Variants in PRKAG3 observed in about 807,000 individuals in gnomAD.
PRKAG3 encodes the protein protein kinase AMP-activated non-catalytic subunit gamma 3.
A neutral mutation model predicts 56.5 loss-of-function variants in PRKAG3; 39 were observed. The observed-to-expected ratio is 0.69, with a 90% CI of 0.53 to 0.90. The LOEUF (loss-of-function observed/expected upper bound fraction) is 0.90. Ranked by LOEUF, PRKAG3 falls within the 40% of genes least tolerant of loss-of-function variation. The pLI, the probability that PRKAG3 is intolerant of heterozygous loss-of-function variation, is 0.00. For synonymous variants in PRKAG3, 243 were observed against 250.1 expected (o/e 0.97, Z 0.27); for missense variants, 628 against 627.5 (o/e 1.00, Z -0.01).
intron 11 of PRKAG3, 70 bp downstream of exon 11, chr2:218,824,469 A>G: frequency 6.2e-7 from 1 of 1,608,132 alleles, no homozygotes; most frequent in South Asian, 1.1e-5. Flanking sequence ...CCCCTGGTCC[A>G]CAGAGGCCCC....
intron 10 of PRKAG3, 59 bp from the exon 11 acceptor site, chr2:218,824,635 A>T (rs1943905471): frequency 6.7e-7 from 1 of 1,490,406 alleles, no homozygotes; most frequent in Non-Finnish European, 9.4e-7. Context: ...CTCCGGTCAG[A>T]ACCGGGGTGC....
intron 11 of PRKAG3, 63 bp downstream of exon 11, chr2:218,824,476 C>A (rs1198715181): frequency 6.2e-7 from 1 of 1,603,726 alleles, no homozygotes; most frequent in African/African-American, 1.3e-5. Flanking sequence ...TCCACAGAGG[C>A]CCCCCACCCA....
exon 4 of PRKAG3, chr2:218,830,141 G>A: frequency 6.2e-7 from 1 of 1,614,076 alleles, no homozygotes; most frequent in Non-Finnish European, 8.5e-7. Context: ...GCACAGGGCA[G>A]GCCTCTCTTC....
chr2:218,828,619 C>G lies in PRKAG3; in HGVS notation c.634-19G>C. 6.2e-7 allele frequency: 1 copy of G among 1,609,128 alleles called. No homozygotes were observed. The highest frequency in any genetic ancestry group is 1.1e-5 in the South Asian group (1 of 90,344). ...TCTTGATCTGAGGGGCCAGGGAGAA[C>G]AGTCAAGGGTGGGTCCCGAGAGACC... is the stretch of plus-strand genomic sequence containing the variant. On this transcript the variant is annotated intron_variant, in intron 4 of 12. Coordinates refer to ENST00000529249, the Ensembl canonical transcript of PRKAG3.
exon 13 of PRKAG3, chr2:218,823,569 C>T (rs1943884491): frequency 8.8e-6 from 11 of 1,253,370 alleles, no homozygotes; most frequent in Non-Finnish European, 1.0e-5. Context: ...CACTCCCATC[C>T]TCAGGGTGTC....
At chr2:218,830,085 G>C in exon 4 of PRKAG3, 3 of 1,612,982 alleles carry the variant, frequency 1.9e-6, no homozygotes, top group Non-Finnish European at 2.5e-6. Flanking sequence ...GGTTTCCGCA[G>C]TTCGTCATCC....
At chr2:218,831,373 G>T (rs1400229035) in exon 2 of PRKAG3, 1 of 1,601,534 alleles carries the variant, frequency 6.2e-7, no homozygotes, top group Non-Finnish European at 8.5e-7. Context: ...TCCAGGAAGG[G>T]GTCTGTGGGG....
chr2:218,828,488 A>C, intron 5 of PRKAG3, 31 bp downstream of exon 5: 1 of 1,585,150 alleles, frequency 6.3e-7, no homozygotes, highest in Non-Finnish European at 8.6e-7. Flanking sequence ...CACCTCCTCC[A>C]TCTCCCTTCA....
intron 10 of PRKAG3, 56 bp downstream of exon 10, chr2:218,826,872 A>G (rs1380764052): frequency 1.4e-5 from 22 of 1,602,436 alleles, no homozygotes; most frequent in Non-Finnish European, 1.7e-5. Context: ...TATTCTCCCC[A>G]CCAGGTTCTC....
chr2:218,823,676 TG>T, exon 13 of PRKAG3: 2 of 1,602,976 alleles, frequency 1.2e-6, no homozygotes, highest in Non-Finnish European at 1.7e-6. Context: ...CAAATGGGGG[TG>T]GGGGAAGATG....
intron 10 of PRKAG3, among the ~76,000 whole-genome samples, chr2:218,825,452 G>C (rs2105986213): frequency 6.6e-6 from 1 of 152,144 alleles, no homozygotes; most frequent in African/African-American, 2.4e-5. Flanking sequence ...AGACTGGCCT[G>C]GCCTATATGG....
At chr2:218,828,272 A>C (rs372929994) in intron 5 of PRKAG3, among the ~76,000 whole-genome samples, 3 of 152,320 alleles carry the variant, frequency 2.0e-5, no homozygotes, top group African/African-American at 7.2e-5. Flanking sequence ...CCTATGGCAC[A>C]GGGCCATGCA....
chr2:218,824,961 C>T (rs567803134), intron 10 of PRKAG3, among the ~76,000 whole-genome samples: 8 of 152,228 alleles, frequency 5.3e-5, no homozygotes, highest in East Asian at 1.9e-4. Context: ...AACTCACCCA[C>T]GTCATAACAA....
chr2:218,826,840 A>G (rs189095888), intron 10 of PRKAG3, 88 bp downstream of exon 10: 3 of 1,542,554 alleles, frequency 1.9e-6, no homozygotes, highest in East Asian at 4.5e-5. Context: ...CAGGGATGGC[A>G]TGAGAAACCC....
chr2:218,830,082 G>A lies in PRKAG3; in HGVS notation c.529C>T (p.Arg177Trp), dbSNP rs759108860. ...ATGTAGATCTGGGCGCCGGGTTTCC[G>A]CAGTTCGTCATCCCAGCCCAGCTTG... The change falls in exon 4 of 13, where the codon CGG becomes TGG. Residue 177 changes from arginine (R) to tryptophan (W), a missense_variant. By Grantham distance (101) the Arg-to-Trp change is moderately radical. Transcript: ENST00000529249. The A allele has an allele frequency of 9.9e-6, 16 of 1,612,762 alleles. No individual in the cohort carries two copies. In the Admixed American group the frequency reaches 1.8e-4, roughly 18 times the overall value.
Position 218,827,291 on chromosome 2 carries a change from G to A in PRKAG3, c.958C>T (p.His320Tyr), listed in dbSNP as rs760521819. Reference sequence around the variant, plus strand: ...AGCAGGCGTTTGTGTGTGAGGATGTGGAGTACGTTGCCTGACACCGGGTCA... The same window carrying A: ...AGCAGGCGTTTGTGTGTGAGGATGTAGAGTACGTTGCCTGACACCGGGTCA... Residue 320 changes from histidine (H) to tyrosine (Y), a missense_variant, in exon 9 of 13, where the codon CAC becomes TAC. By Grantham distance (83) the His-to-Tyr change is moderately conservative (BLOSUM62 2). Transcript: ENST00000529249. This position sits in a 1 kb window ranked among gnomAD's most constrained non-coding sequence, Gnocchi z 5.3. The A allele has an allele frequency of 3.7e-6, 6 of 1,614,222 alleles. No homozygotes were observed. The South Asian group carries it at 5.5e-5, about 15-fold the overall frequency.
rs1575211205 is a variant in PRKAG3, at chr2:218,826,516, G to A, written c.1168+412C>T. On this transcript the variant is annotated intron_variant, in intron 10 of 12. Transcript: ENST00000529249. ...CTGTTGCCCAGGTTGGAGTGTCACT[G>A]TATGTAAACTCAAACTCCTGGCCTC... 1.2e-4 allele frequency: 33 copies of A among 275,444 alleles called. No individual in the cohort carries two copies. In the South Asian group the frequency reaches 1.3e-3, roughly 11 times the overall value. 17.1% of individuals were successfully genotyped at this position (275,444 alleles called of 1,614,324 possible). A position where few individuals can be genotyped will look rare whatever the true frequency, so the allele number is the denominator to read the frequency against.
At position 218,831,358 on chromosome 2, in the gene PRKAG3, G is replaced by A. The variant is rs199696323; in HGVS notation, c.51C>T (p.Ser17=). 9.4e-6 allele frequency: 15 copies of A among 1,603,716 alleles called. No homozygotes were observed. The East Asian group carries it at 2.5e-4, about 26-fold the overall frequency. ...TACCTTGATGCTCAGAACCCCCAAG[G>A]CTGCTCCAGGAAGGGGTCTGTGGGG... Residue 17 remains serine (S), a synonymous_variant, in exon 2 of 13, where the codon AGC becomes AGT. Transcript: ENST00000529249.
chr2:218,830,126 G>C, exon 4 of PRKAG3: 1 of 1,613,470 alleles, frequency 6.2e-7, no homozygotes, highest in Non-Finnish European at 8.5e-7. Flanking sequence ...GGCCTGCGGG[G>C]ACAGGCACAG....
Sources: gnomAD v4.1 joint callset for allele counts (sites outside exome capture counted in the v4.1 genomes callset) on GRCh38, gnomAD v4.1.1 for gene constraint, Gnocchi (gnomAD v3.1) non-coding constraint, MANE v1.5 for transcripts, NCBI Gene and HGNC (gene_info 2026-07-23, HGNC 2026-07-21) for gene names.